Variants in ZC3H15 observed in about 807,000 individuals in gnomAD.
The protein encoded by ZC3H15 is zinc finger CCCH-type containing 15.
ZC3H15 carries 15 observed loss-of-function variants against 51.2 expected under a neutral mutation model. That is an observed-to-expected ratio of 0.29 (90% confidence interval 0.20 to 0.45). ZC3H15 has a LOEUF of 0.45. Ranked by LOEUF, ZC3H15 falls within the 20% of genes least tolerant of loss-of-function variation. ZC3H15 has a pLI of 1.00. For synonymous variants in ZC3H15, 144 were observed against 162.8 expected (o/e 0.88, Z 0.88); for missense variants, 381 against 494.7 (o/e 0.77, Z 2.18).
At chr2:186,508,489 G>T in intron 9 of ZC3H15, 54 bp from the exon 10 acceptor site, 1 of 1,508,988 alleles carries the variant, frequency 6.6e-7, no homozygotes, top group Non-Finnish European at 9.2e-7. Context: ...TATTGCTAAT[G>T]TGGAATGGTG....
chr2:186,501,500 T>C lies in ZC3H15; in HGVS notation c.442+75T>C, dbSNP rs1685384308. 4.9e-6 allele frequency: 6 copies of C among 1,234,450 alleles called. No homozygotes were observed. The South Asian group carries it at 9.8e-5, about 20-fold the overall frequency. The allele number at this position is 1,234,450 out of a possible 1,614,324, so 76.5% of individuals were successfully genotyped here. On this transcript the variant is annotated intron_variant, in intron 4 of 9. Transcript: ENST00000337859. ...GTTTGCTACTAAGATATTTATTAAA[T>C]TGAAGAACATTTCAATCTTAATAGA...
rs978097441 is a variant in ZC3H15, at chr2:186,500,394, T to C, written c.289+101T>C. ...TTTTCTTTAGATAATGAGACAGTTATGTCTGAATGAAAATGTTACTCCATC... is the reference window on the plus strand; with the variant it reads ...TTTTCTTTAGATAATGAGACAGTTACGTCTGAATGAAAATGTTACTCCATC... On this transcript the variant is annotated intron_variant, in intron 3 of 9. Transcript: ENST00000337859. 3.3e-5 allele frequency: 34 copies of C among 1,022,248 alleles called. No individual in the cohort carries two copies. The Admixed American group carries it at 4.5e-4, about 13-fold the overall frequency. The allele number at this position is 1,022,248 out of a possible 1,614,324, so 63.3% of individuals were successfully genotyped here.
chr2:186,497,254 T>A (rs1685297547), intron 2 of ZC3H15: 3 of 321,660 alleles, frequency 9.3e-6, no homozygotes, highest in Non-Finnish European at 1.8e-5. Context: ...CTAATATGTA[T>A]TTGTGAGATA....
intron 1 of ZC3H15, 38 bp downstream of exon 1, chr2:186,486,495 C>G (rs749780339): frequency 1.3e-6 from 2 of 1,515,144 alleles, no homozygotes; most frequent in South Asian, 1.3e-5. Flanking sequence ...GCCGCGAGCC[C>G]TCCGGAAAGC....
At chr2:186,500,966 C>T (rs1574425570) in intron 3 of ZC3H15, among the ~76,000 whole-genome samples, 2 of 152,318 alleles carry the variant, frequency 1.3e-5, no homozygotes, top group South Asian at 4.1e-4. Flanking sequence ...AGCCACCATG[C>T]CTGGCCTCCT....
chr2:186,489,796 C>G (rs1354830878), intron 1 of ZC3H15, among the ~76,000 whole-genome samples: 2 of 152,166 alleles, frequency 1.3e-5, no homozygotes, highest in African/African-American at 4.8e-5. Context: ...GCTTTGGAGT[C>G]AGAGACCTGG....
chr2:186,491,956 T>TC (rs1321313260), intron 1 of ZC3H15, among the ~76,000 whole-genome samples: 1 of 152,156 alleles, frequency 6.6e-6, no homozygotes, highest in Non-Finnish European at 1.5e-5. Context: ...TGATTTTTTT[T>TC]TTCTTCTTCT....
At chr2:186,498,569 G>A (rs1176931549) in intron 2 of ZC3H15, among the ~76,000 whole-genome samples, 2 of 152,020 alleles carry the variant, frequency 1.3e-5, no homozygotes, top group East Asian at 1.9e-4. Flanking sequence ...AACATTTTTT[G>A]TGTTTAAACA....
chr2:186,496,437 C>T (rs1363178710), intron 2 of ZC3H15, among the ~76,000 whole-genome samples: 1 of 152,202 alleles, frequency 6.6e-6, no homozygotes, highest in South Asian at 2.1e-4. Flanking sequence ...AGGGTGGCCT[C>T]ACAATCCGCC....
chr2:186,504,026 C>G lies in ZC3H15; in HGVS notation c.535-6C>G. On this transcript the variant is annotated splice_region_variant and splice_polypyrimidine_tract_variant and intron_variant, in intron 5 of 9. Transcript: ENST00000337859. Reference sequence around the variant, plus strand: ...CCACCGCTTGTGAATAATATTGTCTCTATAGGTGTGCAAGCATTTCCTGGA... The same window carrying G: ...CCACCGCTTGTGAATAATATTGTCTGTATAGGTGTGCAAGCATTTCCTGGA... 1 of 1,586,812 alleles carries G rather than the reference C, an allele frequency of 6.3e-7. No homozygotes were observed. The highest frequency in any genetic ancestry group is 1.2e-5 in the South Asian group (1 of 85,712).
In ZC3H15 at chr2:186,506,797, A is replaced by C; in HGVS notation, c.1051A>C (p.Ser351Arg). Residue 351 changes from serine (S) to arginine (R), a missense_variant, in exon 9 of 10, where the codon AGT becomes CGT. Physicochemically the swap from Ser to Arg is moderately radical, Grantham distance 110. Transcript: ENST00000337859. ...AGATGAAACAGGTATTACTGTAGCC[A>C]GTCTTGAAAGATTCAGCACATATAC... ...DVDETGITVASLERFSTYTSD... is the reference protein window; with the variant it reads ...DVDETGITVARLERFSTYTSD... 6.2e-7 allele frequency: 1 copy of C among 1,613,732 alleles called. No individual in the cohort carries two copies. Among genetic ancestry groups the C allele is most frequent in the South Asian group, 1.1e-5 (1 of 91,068 alleles).
In ZC3H15 at chr2:186,504,204, T is replaced by C; in HGVS notation, c.707T>C (p.Ile236Thr). 10 of 1,593,836 alleles carry C rather than the reference T, an allele frequency of 6.3e-6. No individual in the cohort carries two copies. Among genetic ancestry groups the C allele is most frequent in the Non-Finnish European group, 8.5e-6 (10 of 1,169,696 alleles). Reference protein sequence around the residue: ...KEDEISLEDLIERERSALGPN... With the variant: ...KEDEISLEDLTERERSALGPN... ...GATGAAATTTCATTAGAAGATCTAA[T>C]TGAGAGAGAGGTAACTGGTATCCTT... Residue 236 changes from isoleucine (I) to threonine (T), a missense_variant, in exon 6 of 10, where the codon ATT (isoleucine) becomes ACT (threonine). This residue lies in a region of ZC3H15 where 215 missense variants were observed against 241.8 expected (regional missense o/e 0.89). Transcript: ENST00000337859.
At chr2:186,504,924 T>A (rs1325983960) in intron 6 of ZC3H15, among the ~76,000 whole-genome samples, 1 of 152,220 alleles carries the variant, frequency 6.6e-6, no homozygotes, top group Non-Finnish European at 1.5e-5. Flanking sequence ...TCATCTTTGG[T>A]AAATTCCCCA....
At chr2:186,494,880 T>C (rs1239900623) in intron 1 of ZC3H15, among the ~76,000 whole-genome samples, 3 of 152,018 alleles carry the variant, frequency 2.0e-5, no homozygotes. Flanking sequence ...GACGAGTTAA[T>C]GGGTGCAGCA....
chr2:186,494,328 AAATTT>A (rs1685247556), intron 1 of ZC3H15, among the ~76,000 whole-genome samples: 1 of 152,200 alleles, frequency 6.6e-6, no homozygotes, highest in African/African-American at 2.4e-5. Flanking sequence ...TTTCTTTATT[AAATTT>A]AATTGTTTTT....
intron 3 of ZC3H15, chr2:186,500,673 T>C (rs770707436): frequency 6.5e-6 from 3 of 459,418 alleles, no homozygotes; most frequent in African/African-American, 4.0e-5. Context: ...TTTTTGTTTT[T>C]GTTTTTGTTT....
intron 2 of ZC3H15, 105 bp from the exon 3 acceptor site, chr2:186,500,077 A>C (rs1329633096): frequency 2.2e-6 from 2 of 894,568 alleles, no homozygotes; most frequent in African/African-American, 3.4e-5. Flanking sequence ...GTTAAAAGGT[A>C]AGGACTGTAA....
At chr2:186,505,376 A>G in intron 6 of ZC3H15, 75 bp from the exon 7 acceptor site, 14 of 1,473,576 alleles carry the variant, frequency 9.5e-6, no homozygotes, top group Non-Finnish European at 1.3e-5. Context: ...AATTAATCAC[A>G]TTAAGAGATA....
intron 5 of ZC3H15, among the ~76,000 whole-genome samples, chr2:186,503,469 C>T (rs1329170199): frequency 1.3e-5 from 2 of 152,084 alleles, no homozygotes; most frequent in African/African-American, 4.8e-5. Context: ...CTCTGCTTTC[C>T]GGGTTCAAGA....
Sources: allele counts gnomAD v4.1 joint callset (sites outside exome capture counted in the v4.1 genomes callset), GRCh38; gene constraint gnomAD v4.1.1; regional missense constraint gnomAD v4.1.1; transcripts MANE v1.5; gene names NCBI Gene and HGNC (gene_info 2026-07-23, HGNC 2026-07-21).